BRIP1: variants seen among roughly 807,000 people sequenced by gnomAD.
The protein encoded by BRIP1 is BRCA1 interacting DNA helicase 1, also known as Fanconi anemia group J protein.
Under a neutral mutation model 119.7 loss-of-function variants are expected in BRIP1, and 88 were observed. That is an observed-to-expected ratio of 0.74 (90% CI 0.62 to 0.88). BRIP1 has a LOEUF of 0.88. Among genes scored for constraint, BRIP1 ranks in the 40% least tolerant of loss-of-function variants. The probability of loss-of-function intolerance (pLI) is 0.00; values close to 1 mark genes in which losing one functional copy is unlikely to be tolerated. For synonymous variants in BRIP1, 443 were observed against 496.5 expected (o/e 0.89, Z 1.43); for missense variants, 1,259 against 1,455.4 (o/e 0.87, Z 2.20).
Position 61,740,126 on chromosome 17 carries a change from A to G in BRIP1, c.2379+2887T>C, listed in dbSNP as rs2076967749. ...TCTGCTTGGGTATAATTTCCTGACC[A>G]CAGCACAGAGCATTAAAGTACAAGC... is the stretch of plus-strand genomic sequence containing the variant. On this transcript the variant is annotated intron_variant, in intron 16 of 19. Coordinates refer to ENST00000259008, the MANE Select transcript of BRIP1 (RefSeq NM_032043.3). This position sits in a 1 kb window ranked among gnomAD's most constrained non-coding sequence, Gnocchi z 5.4. Among the ~76,000 whole-genome samples, 1 of 152,090 alleles carries G rather than the reference A, an allele frequency of 6.6e-6. No individual in the cohort carries two copies. Among genetic ancestry groups the G allele is most frequent in the Non-Finnish European group, 1.5e-5 (1 of 68,020 alleles).
In BRIP1 at chr17:61,802,646, T is replaced by C. The variant is rs1026667336; in HGVS notation, c.919-1172A>G. ...GCATCTTTTCGTTGCTGCTCATATA[T>C]GTACATTGAATTAATGTGCCATAGC... On this transcript the variant is annotated intron_variant, in intron 7 of 19. Transcript: ENST00000259008. The surrounding 1 kb of genome is among the most constrained non-coding windows in gnomAD (Gnocchi z 6.0). Among the ~76,000 whole-genome samples the C allele has an allele frequency of 5.9e-5, 9 of 152,208 alleles. No homozygotes were observed. Among genetic ancestry groups the C allele is most frequent in the East Asian group, 1.9e-4 (1 of 5,200 alleles).
chr17:61,816,439 G>A lies in BRIP1; in HGVS notation c.628-7682C>T, dbSNP rs138704679. Among the ~76,000 whole-genome samples, 106 of 152,136 alleles carry A rather than the reference G, an allele frequency of 7.0e-4. 1 individual carries two copies. Among genetic ancestry groups the A allele is most frequent in the African/African-American group, 2.4e-3 (98 of 41,530 alleles). ...GCACATTAAGACAGATCCTTTTCACGGTTGTTTTTTGATACCATAAGTGTT... is the reference window on the plus strand; with the variant it reads ...GCACATTAAGACAGATCCTTTTCACAGTTGTTTTTTGATACCATAAGTGTT... On this transcript the variant is annotated intron_variant, in intron 6 of 19. Coordinates refer to ENST00000259008, the MANE Select transcript of BRIP1 (RefSeq NM_032043.3). The surrounding 1 kb of genome is among the most constrained non-coding windows in gnomAD (Gnocchi z 5.0).
rs368490768 is a variant in BRIP1, at chr17:61,846,121, G to A, written c.627+980C>T. Among the ~76,000 whole-genome samples, 87 of 152,090 alleles carry A rather than the reference G, an allele frequency of 5.7e-4. No individual in the cohort carries two copies. The highest frequency in any genetic ancestry group is 2.0e-3 in the African/African-American group (85 of 41,516). On this transcript the variant is annotated intron_variant, in intron 6 of 19. Coordinates refer to ENST00000259008, the MANE Select transcript of BRIP1 (RefSeq NM_032043.3). This position sits in a 1 kb window ranked among gnomAD's most constrained non-coding sequence, Gnocchi z 4.3. ...GGCATGAACCCAGGAGGCGGAGCTT[G>A]CAGTGGGCGGAGATCACGCCACCGC...
At chr17:61,835,730 G>GAAAAAA (rs2078562160) in intron 6 of BRIP1, among the ~76,000 whole-genome samples, 1 of 151,678 alleles carries the variant, frequency 6.6e-6, no homozygotes, top group African/African-American at 2.4e-5. Flanking sequence ...AAAAAGTCCA[G>GAAAAAA]GAACCAATCC....
rs1312004926 is a variant in BRIP1 at position 61,814,291 on chromosome 17, T to C, written c.628-5534A>G. On this transcript the variant is annotated intron_variant, in intron 6 of 19. Coordinates refer to ENST00000259008, the MANE Select transcript of BRIP1 (RefSeq NM_032043.3). The surrounding 1 kb of genome is among the most constrained non-coding windows in gnomAD (Gnocchi z 4.9). ...CTTCTATTTAAAGATACATATTCCT[T>C]AAAGAAGGAAAGAAAAATAGGTAAA... Among the ~76,000 whole-genome samples, 1 of 151,948 alleles carries C rather than the reference T, an allele frequency of 6.6e-6. No individual in the cohort carries two copies. Among genetic ancestry groups the C allele is most frequent in the Non-Finnish European group, 1.5e-5 (1 of 67,894 alleles).
intron 17 of BRIP1, among the ~76,000 whole-genome samples, chr17:61,696,496 A>AT (rs2061523095): frequency 6.6e-6 from 1 of 152,034 alleles, no homozygotes; most frequent in Admixed American, 6.6e-5. Flanking sequence ...TTTCTCTCCC[A>AT]TTTTTTGCTA....
At chr17:61,821,687 G>A (rs967278252) in intron 6 of BRIP1, among the ~76,000 whole-genome samples, 2 of 151,724 alleles carry the variant, frequency 1.3e-5, no homozygotes, top group Admixed American at 6.6e-5. Context: ...ATGCTACCAC[G>A]CCTGGCTACT....
chr17:61,842,088 T>A lies in BRIP1; in HGVS notation c.627+5013A>T, dbSNP rs1323134169. 6.6e-6 allele frequency among the ~76,000 whole-genome samples: 1 copy of A among 152,164 alleles called. No homozygotes were observed. Among genetic ancestry groups the A allele is most frequent in the Admixed American group, 6.5e-5 (1 of 15,282 alleles). On this transcript the variant is annotated intron_variant, in intron 6 of 19. Coordinates refer to ENST00000259008, the MANE Select transcript of BRIP1 (RefSeq NM_032043.3). The surrounding 1 kb of genome is among the most constrained non-coding windows in gnomAD (Gnocchi z 5.1). ...AAGAAAATGTGACACATATACACAA[T>A]GGAATATTATTCAGCCATAGAAAAA...
chr17:61,735,973 A>G lies in BRIP1; in HGVS notation c.2379+7040T>C, dbSNP rs948548110. ...CCATGCCCACACTTGTGACCAATGG[A>G]AACTGAGATAATAAATGTGTGTTAA... On this transcript the variant is annotated intron_variant, in intron 16 of 19. Transcript: ENST00000259008. This position sits in a 1 kb window ranked among gnomAD's most constrained non-coding sequence, Gnocchi z 4.4. 6.6e-6 allele frequency among the ~76,000 whole-genome samples: 1 copy of G among 152,084 alleles called. No homozygotes were observed. Among genetic ancestry groups the G allele is most frequent in the Non-Finnish European group, 1.5e-5 (1 of 68,014 alleles).
chr17:61,697,964 C>A (rs2061554946), intron 17 of BRIP1, among the ~76,000 whole-genome samples: 1 of 152,092 alleles, frequency 6.6e-6, no homozygotes, highest in Non-Finnish European at 1.5e-5. Flanking sequence ...TACTACCACA[C>A]CTGGCTAATT....
intron 18 of BRIP1, among the ~76,000 whole-genome samples, chr17:61,692,807 C>A (rs1324151332): frequency 6.6e-6 from 1 of 152,172 alleles, no homozygotes; most frequent in Admixed American, 6.6e-5. Context: ...CTATGAAGAA[C>A]AGTATCAAAT....
Position 61,734,014 on chromosome 17 carries a change from C to A in BRIP1, c.2379+8999G>T, listed in dbSNP as rs986183833. ...ATTTTTCTTCAGAGAAGTAAAGGAACAATACCTACGAAGGAGAACTTTTCT... is the reference window on the plus strand; with the variant it reads ...ATTTTTCTTCAGAGAAGTAAAGGAAAAATACCTACGAAGGAGAACTTTTCT... On this transcript the variant is annotated intron_variant, in intron 16 of 19. Transcript: ENST00000259008. The surrounding 1 kb of genome is among the most constrained non-coding windows in gnomAD (Gnocchi z 5.2). Among the ~76,000 whole-genome samples the A allele has an allele frequency of 1.3e-5, 2 of 152,130 alleles. No homozygotes were observed. Among genetic ancestry groups the A allele is most frequent in the Non-Finnish European group, 2.9e-5 (2 of 68,008 alleles).
chr17:61,732,868 G>A (rs1367994563), intron 16 of BRIP1, among the ~76,000 whole-genome samples: 1 of 151,884 alleles, frequency 6.6e-6, no homozygotes, highest in Non-Finnish European at 1.5e-5. Flanking sequence ...AATTTTTTGT[G>A]TTTTTAGTAG....
rs1176752025 is a variant in BRIP1 at position 61,782,879 on chromosome 17, T to A, written c.1628+1391A>T. Among the ~76,000 whole-genome samples the A allele has an allele frequency of 3.3e-5, 5 of 152,208 alleles. No individual in the cohort carries two copies. In the East Asian group the frequency reaches 9.6e-4, roughly 29 times the overall value. ...CGAGTGTCAGCAAAAACAATTCTGA[T>A]ATATGCTGCTACATAAACTGTTGGC... is the stretch of plus-strand genomic sequence containing the variant. On this transcript the variant is annotated intron_variant, in intron 11 of 19. Transcript: ENST00000259008.
intron 5 of BRIP1, among the ~76,000 whole-genome samples, chr17:61,847,609 G>T (rs1033153063): frequency 6.6e-6 from 1 of 152,038 alleles, no homozygotes; most frequent in African/African-American, 2.4e-5. Context: ...ACATTGAAAA[G>T]AACTCAGAAT....
Position 61,852,766 on chromosome 17 carries a change from TACTA to T in BRIP1, c.380-3514_380-3511del, listed in dbSNP as rs1275555860. ...TAAACATATGAAGTCACCAGAGAAATACTAACTAAAACCCAATGAGAATACCACA... is the reference window on the plus strand; with the variant it reads ...TAAACATATGAAGTCACCAGAGAAATACTAAAACCCAATGAGAATACCACA... On this transcript the variant is annotated intron_variant, in intron 4 of 19. Transcript: ENST00000259008. The surrounding 1 kb of genome is among the most constrained non-coding windows in gnomAD (Gnocchi z 4.9). Among the ~76,000 whole-genome samples the T allele has an allele frequency of 1.3e-5, 2 of 152,034 alleles. No individual in the cohort carries two copies. Among genetic ancestry groups the T allele is most frequent in the Non-Finnish European group, 2.9e-5 (2 of 68,008 alleles).
rs2078670117 is a variant in BRIP1 at position 61,842,381 on chromosome 17, C to G, written c.627+4720G>C. Reference sequence around the variant, plus strand: ...ATAAGTTCTGGTATTCTATAGCACTCTAGGGTAAATATGGTTAACAATAAT... The same window carrying G: ...ATAAGTTCTGGTATTCTATAGCACTGTAGGGTAAATATGGTTAACAATAAT... On this transcript the variant is annotated intron_variant, in intron 6 of 19. Coordinates refer to ENST00000259008, the MANE Select transcript of BRIP1 (RefSeq NM_032043.3). The surrounding 1 kb of genome is among the most constrained non-coding windows in gnomAD (Gnocchi z 5.1). 6.6e-6 allele frequency among the ~76,000 whole-genome samples: 1 copy of G among 151,986 alleles called. No homozygotes were observed. Among genetic ancestry groups the G allele is most frequent in the Non-Finnish European group, 1.5e-5 (1 of 68,006 alleles).
At position 61,682,755 on chromosome 17, in the gene BRIP1, C is replaced by G. The variant is rs1240073015; in HGVS notation, c.*541G>C. The G allele has an allele frequency of 5.2e-6, 1 of 191,146 alleles. No homozygotes were observed. Among genetic ancestry groups the G allele is most frequent in the African/African-American group, 2.3e-5 (1 of 42,996 alleles). The allele number at this position is 191,146 out of a possible 1,614,324, so 11.8% of individuals were successfully genotyped here. On this transcript the variant is annotated 3_prime_UTR_variant, in exon 20 of 20. Coordinates refer to ENST00000259008, the MANE Select transcript of BRIP1 (RefSeq NM_032043.3). This position sits in a 1 kb window ranked among gnomAD's most constrained non-coding sequence, Gnocchi z 4.9. The stretch of plus-strand genomic sequence containing the variant: ...ATATTTACGTGAAACTAGAAGTGCC[C>G]TAGGATCTTTGAATAATTTTAAATT...
Position 61,740,721 on chromosome 17 carries a change from A to G in BRIP1, c.2379+2292T>C, listed in dbSNP as rs73328556. ...TGCAGTCTATTAAGTGGGCAACAGC[A>G]TTATGTCTCAAAAGCCAATGTATAT... On this transcript the variant is annotated intron_variant, in intron 16 of 19. Coordinates refer to ENST00000259008, the MANE Select transcript of BRIP1 (RefSeq NM_032043.3). The surrounding 1 kb of genome is among the most constrained non-coding windows in gnomAD (Gnocchi z 5.4). Among the ~76,000 whole-genome samples the G allele has an allele frequency of 6.1e-4, 93 of 152,320 alleles. No individual in the cohort carries two copies. Among genetic ancestry groups the G allele is most frequent in the African/African-American group, 2.1e-3 (88 of 41,572 alleles).
Sources: allele counts gnomAD v4.1 joint callset (sites outside exome capture counted in the v4.1 genomes callset), GRCh38; gene constraint gnomAD v4.1.1; non-coding constraint Gnocchi (gnomAD v3.1); transcripts MANE v1.5; gene names NCBI Gene and HGNC (gene_info 2026-07-23, HGNC 2026-07-21).